NEURL1: variants seen among roughly 807,000 people sequenced by gnomAD.
NEURL1 encodes the protein E3 ubiquitin-protein ligase NEURL1.
Under a neutral mutation model 41.2 loss-of-function variants are expected in NEURL1, and 26 were observed. The ratio of observed to expected loss-of-function variants is 0.63; its 90% CI spans 0.46 to 0.87. The LOEUF is 0.87. Among genes scored for constraint, NEURL1 ranks in the 40% least tolerant of loss-of-function variants. The probability of loss-of-function intolerance (pLI) is 0.00; values close to 1 mark genes in which losing one functional copy is unlikely to be tolerated. For synonymous variants in NEURL1, 400 were observed against 402.3 expected, an observed-to-expected ratio of 0.99 and a Z score of 0.07; for missense variants, 761 against 871.1, an observed-to-expected ratio of 0.87 and a Z score of 1.59.
chr10:103,520,538 A>G (rs1386138116), intron 1 of NEURL1, among the ~76,000 whole-genome samples: 3 of 152,180 alleles, frequency 2.0e-5, no homozygotes, highest in African/African-American at 4.8e-5. Flanking sequence ...GGAACCGACC[A>G]TTTTGACTTC....
Position 103,494,158 on chromosome 10 carries a change from G to C in NEURL1, c.-230G>C, listed in dbSNP as rs1564799611. The C allele has an allele frequency of 4.3e-6, 2 of 464,352 alleles. No homozygotes were observed. Among genetic ancestry groups the C allele is most frequent in the South Asian group, 6.2e-5 (2 of 32,212 alleles). The allele number at this position is 464,352 out of a possible 1,614,324, so 28.8% of individuals were successfully genotyped here. A position where few individuals can be genotyped will look rare whatever the true frequency, so the allele number is the denominator to read the frequency against. ...CCCGCTCCCGCCACGGGGCATGGGA[G>C]GCAGGTAGCCCAGCCTGCGCCAGGA... On this transcript the variant is annotated 5_prime_UTR_variant, in exon 1 of 6. Transcript: ENST00000369780.
intron 3 of NEURL1, among the ~76,000 whole-genome samples, chr10:103,575,772 AG>A (rs775851468): frequency 6.6e-6 from 1 of 151,724 alleles, no homozygotes; most frequent in East Asian, 1.9e-4. Flanking sequence ...CCCTGGCCCA[AG>A]CCCAGGCTGG....
At chr10:103,501,995 G>A (rs959425143) in intron 1 of NEURL1, among the ~76,000 whole-genome samples, 1 of 152,106 alleles carries the variant, frequency 6.6e-6, no homozygotes, top group Non-Finnish European at 1.5e-5. Context: ...TCAAACTCCC[G>A]GGCTCAAGCG....
rs747799357 is a variant in NEURL1 at position 103,590,306 on chromosome 10, G to A, written c.1659G>A (p.Leu553=). The A allele has an allele frequency of 1.6e-5, 26 of 1,614,140 alleles. No individual in the cohort carries two copies. The highest frequency in any genetic ancestry group is 7.7e-5 in the South Asian group (7 of 91,074). The change falls in exon 6 of 6, where the codon CTG becomes CTA. Residue 553 remains leucine, a synonymous_variant. Transcript: ENST00000369780. ...GTGGCCTGCGCCTCAAGAAGGCTCTGCACGCCTGCTGCCCCATCTGCCGCC... is the reference window on the plus strand; with the variant it reads ...GTGGCCTGCGCCTCAAGAAGGCTCTACACGCCTGCTGCCCCATCTGCCGCC... ...YACGLRLKKA[L]HACCPICRRP...
intron 1 of NEURL1, among the ~76,000 whole-genome samples, chr10:103,530,946 G>T (rs1480905722): frequency 6.6e-6 from 1 of 152,084 alleles, no homozygotes; most frequent in Non-Finnish European, 1.5e-5. Flanking sequence ...TATTTGCCTG[G>T]GCGTGGTGGC....
chr10:103,503,836 G>T (rs1002809253), intron 1 of NEURL1, among the ~76,000 whole-genome samples: 17 of 133,662 alleles, frequency 1.3e-4, no homozygotes, highest in African/African-American at 4.2e-4. Context: ...TGCTGCCCAG[G>T]TTGGAGTGCA....
At chr10:103,505,627 C>G (rs116998366) in intron 1 of NEURL1, among the ~76,000 whole-genome samples, 7,501 of 152,304 alleles carry the variant, frequency 0.049, 185 homozygotes, top group African/African-American at 0.075. Flanking sequence ...AGCCTCCTAA[C>G]GTGTTGGGTT....
intron 1 of NEURL1, among the ~76,000 whole-genome samples, chr10:103,560,349 C>T (rs1207950555): frequency 2.6e-5 from 4 of 152,126 alleles, no homozygotes. Context: ...AGGTGGGACA[C>T]AAGAGGGAGA....
At chr10:103,568,374 T>G (rs956286144) in intron 1 of NEURL1, among the ~76,000 whole-genome samples, 5 of 152,110 alleles carry the variant, frequency 3.3e-5, no homozygotes, top group African/African-American at 1.2e-4. Flanking sequence ...TCTGTGCCGT[T>G]ACCCAGGGCC....
intron 4 of NEURL1, chr10:103,588,706 G>A: frequency 2.3e-6 from 1 of 430,836 alleles, no homozygotes; most frequent in Non-Finnish European, 4.7e-6. Flanking sequence ...CAGCACTTTG[G>A]GAGCCGAGGC....
chr10:103,552,810 GCT>G (rs1018900655), intron 1 of NEURL1, among the ~76,000 whole-genome samples: 32 of 152,006 alleles, frequency 2.1e-4, no homozygotes, highest in African/African-American at 7.8e-4. Context: ...CCAGGCCATG[GCT>G]CTCTCTGTAT....
chr10:103,570,690 G>A (rs1018428801), intron 1 of NEURL1, among the ~76,000 whole-genome samples, 182 bp from the exon 2 acceptor site: 3 of 151,960 alleles, frequency 2.0e-5, no homozygotes, highest in Admixed American at 6.6e-5. Context: ...GTGGCAGATG[G>A]TGGAGTGGGA....
At chr10:103,560,063 G>A (rs541009844) in intron 1 of NEURL1, among the ~76,000 whole-genome samples, 26 of 151,636 alleles carry the variant, frequency 1.7e-4, no homozygotes, top group Admixed American at 3.3e-4. Context: ...ACACATACAC[G>A]CATGCACACA....
At position 103,494,363 on chromosome 10, in the gene NEURL1, G is replaced by C. The variant is rs1462615901; in HGVS notation, c.-25G>C. On this transcript the variant is annotated 5_prime_UTR_variant, in exon 1 of 6. Coordinates refer to ENST00000369780, the MANE Select transcript of NEURL1 (RefSeq NM_004210.5). ...CCCGGCCTCGCCCCCACCCGCGAGC[G>C]CCGAACCTCCTGGGGCCGGATGCCA... is the stretch of plus-strand genomic sequence containing the variant. 1 of 1,560,388 alleles carries C rather than the reference G, an allele frequency of 6.4e-7. No homozygotes were observed. Among genetic ancestry groups the C allele is most frequent in the South Asian group, 1.2e-5 (1 of 85,472 alleles).
chr10:103,585,080 C>T lies in NEURL1; in HGVS notation c.1194C>T (p.Ile398=). ...CCGGGCCCCTGCACAGCGGCGACAT[C>T]CTGGGCCTGGTGGTCAACGCCGACG... The part of the protein sequence containing the change: ...RVPGPLHSGD[I]LGLVVNADGE... Residue 398 remains isoleucine, a synonymous_variant, in exon 4 of 6, where the codon ATC becomes ATT. Coordinates refer to ENST00000369780, the MANE Select transcript of NEURL1 (RefSeq NM_004210.5). 6.3e-7 allele frequency: 1 copy of T among 1,590,764 alleles called. No homozygotes were observed. Among genetic ancestry groups the T allele is most frequent in the Non-Finnish European group, 8.5e-7 (1 of 1,176,616 alleles).
At chr10:103,523,883 A>T (rs2034408571) in intron 1 of NEURL1, among the ~76,000 whole-genome samples, 1 of 152,166 alleles carries the variant, frequency 6.6e-6, no homozygotes, top group South Asian at 2.1e-4. Flanking sequence ...CTTGGCTATT[A>T]TGAAGAGTGC....
At position 103,558,448 on chromosome 10, in the gene NEURL1, C is replaced by T. The variant is rs1037991074; in HGVS notation, c.86-12424C>T. On this transcript the variant is annotated intron_variant, in intron 1 of 5. Transcript: ENST00000369780. This position sits in a 1 kb window ranked among gnomAD's most constrained non-coding sequence, Gnocchi z 4.2. ...TTGAAGCGACTGTGTGTTGCCGGGC[C>T]TGTGTTTCCATGCGGGGGCAGCCAC... 1.3e-5 allele frequency among the ~76,000 whole-genome samples: 2 copies of T among 151,072 alleles called. No individual in the cohort carries two copies. Among genetic ancestry groups the T allele is most frequent in the African/African-American group, 4.9e-5 (2 of 40,936 alleles).
intron 1 of NEURL1, among the ~76,000 whole-genome samples, chr10:103,567,307 G>A (rs972479720): frequency 1.3e-5 from 2 of 150,582 alleles, no homozygotes; most frequent in African/African-American, 2.4e-5. Context: ...TTTTTTCTTC[G>A]TTTATAGGTT....
intron 3 of NEURL1, among the ~76,000 whole-genome samples, chr10:103,582,066 G>A (rs1032178364): frequency 2.6e-5 from 4 of 152,152 alleles, no homozygotes; most frequent in Non-Finnish European, 5.9e-5. Context: ...GGTCTGCCCA[G>A]CCCCAGGAGC....
Sources: gnomAD v4.1 joint callset for allele counts (sites outside exome capture counted in the v4.1 genomes callset) on GRCh38, gnomAD v4.1.1 for gene constraint, Gnocchi (gnomAD v3.1) non-coding constraint, MANE v1.5 for transcripts, NCBI Gene and HGNC (gene_info 2026-07-23, HGNC 2026-07-21) for gene names.